DLGAP1: variants seen among roughly 807,000 people sequenced by gnomAD.
DLGAP1 encodes the protein DLG associated protein 1.
Under a neutral mutation model 90.8 loss-of-function variants are expected in DLGAP1, and 11 were observed. The ratio of observed to expected loss-of-function variants is 0.12; its 90% CI spans 0.08 to 0.20. The LOEUF is 0.20. DLGAP1 is among the 10% of genes least tolerant of loss of function. The pLI, the probability that DLGAP1 is intolerant of heterozygous loss-of-function variation, is 1.00. For missense variants in DLGAP1, 1,050 were observed against 1,333.8 expected, an observed-to-expected ratio of 0.79 and a Z score of 3.31; for synonymous variants, 558 against 540.7, an observed-to-expected ratio of 1.03 and a Z score of -0.44.
At chr18:4,243,913 C>T (rs2078597668) in intron 1 of DLGAP1, among the ~76,000 whole-genome samples, 1 of 152,096 alleles carries the variant, frequency 6.6e-6, no homozygotes, top group Admixed American at 6.6e-5. Context: ...TTTATCCCTA[C>T]CTTTGAAAAT....
intron 2 of DLGAP1, among the ~76,000 whole-genome samples, chr18:4,149,312 G>C (rs907048357): frequency 6.6e-6 from 1 of 152,110 alleles, no homozygotes; most frequent in African/African-American, 2.4e-5. Context: ...AGTTAGTGTC[G>C]AAACAGAATT....
intron 1 of DLGAP1, among the ~76,000 whole-genome samples, chr18:4,230,722 G>A (rs565119702): frequency 6.7e-6 from 1 of 149,204 alleles, no homozygotes; most frequent in African/African-American, 2.5e-5. Context: ...GCAAAACAGG[G>A]TGACTACAGT....
chr18:4,251,131 G>T (rs1356324955), intron 1 of DLGAP1, among the ~76,000 whole-genome samples: 1 of 152,090 alleles, frequency 6.6e-6, no homozygotes, highest in Non-Finnish European at 1.5e-5. Context: ...AAATCCTCCT[G>T]GCCTTCAGAA....
At chr18:3,931,358 C>T (rs1056553798) in intron 3 of DLGAP1, among the ~76,000 whole-genome samples, 2 of 152,082 alleles carry the variant, frequency 1.3e-5, no homozygotes, top group Admixed American at 6.5e-5. Flanking sequence ...CCCTGTTCAC[C>T]GGGTCTGTGC....
At position 3,856,492 on chromosome 18, in the gene DLGAP1, T is replaced by C. The variant is rs1286039045; in HGVS notation, c.957+22620A>G. Among the ~76,000 whole-genome samples the C allele has an allele frequency of 2.0e-5, 3 of 152,168 alleles. No individual in the cohort carries two copies. In the East Asian group the frequency reaches 5.8e-4, roughly 29 times the overall value. On this transcript the variant is annotated intron_variant, in intron 4 of 12. Transcript: ENST00000315677. ...GTGAAGTGAGGTCAACAGAAATAGC[T>C]AATAGGTGGGAAATTACCTTAGTCA... is the stretch of plus-strand genomic sequence containing the variant.
At chr18:4,262,427 T>C (rs1164384704) in intron 1 of DLGAP1, among the ~76,000 whole-genome samples, 2 of 152,208 alleles carry the variant, frequency 1.3e-5, no homozygotes, top group African/African-American at 4.8e-5. Context: ...CACTGAACCC[T>C]TACAGTGTGC....
At chr18:3,979,891 T>C (rs993841377) in intron 3 of DLGAP1, among the ~76,000 whole-genome samples, 1 of 152,156 alleles carries the variant, frequency 6.6e-6, no homozygotes, top group African/African-American at 2.4e-5. Flanking sequence ...ATCCCAGCAC[T>C]TTGGGAAGCC....
chr18:3,529,430 T>A (rs2144377278), intron 10 of DLGAP1, among the ~76,000 whole-genome samples: 1 of 152,358 alleles, frequency 6.6e-6, no homozygotes, highest in Admixed American at 6.5e-5. Flanking sequence ...GGTATTTTGT[T>A]ATAGCAGCCT....
At position 3,729,403 on chromosome 18, in the gene DLGAP1, C is replaced by A. The variant is rs1324255158; in HGVS notation, c.1351-28G>T. The A allele has an allele frequency of 2.5e-6, 4 of 1,594,522 alleles. No individual in the cohort carries two copies. Among genetic ancestry groups the A allele is most frequent in the Non-Finnish European group, 3.4e-6 (4 of 1,165,934 alleles). On this transcript the variant is annotated intron_variant, in intron 6 of 12. Coordinates refer to ENST00000315677, the MANE Select transcript of DLGAP1 (RefSeq NM_004746.4). This position sits in a 1 kb window ranked among gnomAD's most constrained non-coding sequence, Gnocchi z 6.2. Reference sequence around the variant, plus strand: ...GCGGGCAGACACAGGCGTTGTGACACTCGCCTCCACCTGGTGGAGGATCAA... The same window carrying A: ...GCGGGCAGACACAGGCGTTGTGACAATCGCCTCCACCTGGTGGAGGATCAA...
At chr18:3,507,544 A>G (rs2050305870) in intron 11 of DLGAP1, among the ~76,000 whole-genome samples, 1 of 152,178 alleles carries the variant, frequency 6.6e-6, no homozygotes, top group East Asian at 1.9e-4. Flanking sequence ...AAACAAAAAC[A>G]AACCCTCAAA....
intron 7 of DLGAP1, among the ~76,000 whole-genome samples, chr18:3,595,696 G>T (rs920404239): frequency 1.3e-5 from 2 of 152,196 alleles, no homozygotes; most frequent in African/African-American, 4.8e-5. Context: ...TGCAAGGCAG[G>T]AGTGCTGCTT....
At chr18:4,399,794 T>G (rs1221497975) in intron 1 of DLGAP1, among the ~76,000 whole-genome samples, 2 of 152,168 alleles carry the variant, frequency 1.3e-5, no homozygotes, top group Non-Finnish European at 1.5e-5. Context: ...ATCCCTCACT[T>G]CATAGGGGGC....
chr18:3,910,174 C>A (rs188867285), intron 3 of DLGAP1, among the ~76,000 whole-genome samples: 40 of 151,162 alleles, frequency 2.6e-4, no homozygotes, highest in African/African-American at 8.5e-4. Context: ...AAAATATCCT[C>A]TTTCCAATGA....
chr18:4,065,205 A>G (rs556358593), intron 2 of DLGAP1, among the ~76,000 whole-genome samples: 1 of 152,126 alleles, frequency 6.6e-6, no homozygotes, highest in Non-Finnish European at 1.5e-5. Flanking sequence ...ATATATAATA[A>G]ACTCATAGTT....
chr18:3,524,581 T>C (rs1318159809), intron 10 of DLGAP1, among the ~76,000 whole-genome samples: 1 of 152,190 alleles, frequency 6.6e-6, no homozygotes. Context: ...ACACAAAATT[T>C]ATTTCAAAAA....
Position 3,675,309 on chromosome 18 carries a change from A to T in DLGAP1, c.1591+53826T>A, listed in dbSNP as rs188845570. ...AGAGTGGTCTTGAACCCCTGACCTC[A>T]GGTAATCCGCCGGCCTCAGCCTCCC... On this transcript the variant is annotated intron_variant, in intron 7 of 12. Coordinates refer to ENST00000315677, the MANE Select transcript of DLGAP1 (RefSeq NM_004746.4). Among the ~76,000 whole-genome samples the T allele has an allele frequency of 6.3e-4, 96 of 152,282 alleles. 1 individual carries two copies. Among genetic ancestry groups the T allele is most frequent in the Admixed American group, 5.4e-3 (82 of 15,298 alleles).
chr18:3,864,216 A>G (rs1016085595), intron 4 of DLGAP1, among the ~76,000 whole-genome samples: 1 of 152,228 alleles, frequency 6.6e-6, no homozygotes, highest in Non-Finnish European at 1.5e-5. Context: ...AATACATGTT[A>G]CAACAGGTAG....
intron 8 of DLGAP1, chr18:3,580,730 G>A: frequency 1.2e-6 from 2 of 1,613,802 alleles, no homozygotes; most frequent in South Asian, 1.1e-5. Context: ...TCAGGACCAG[G>A]ACAGCCACGC....
chr18:4,049,537 C>T (rs562311986), intron 2 of DLGAP1, among the ~76,000 whole-genome samples: 16 of 152,274 alleles, frequency 1.1e-4, no homozygotes, highest in Non-Finnish European at 2.4e-4. Context: ...TCCCTCTGGG[C>T]TCTAATTTAT....
Sources: allele counts gnomAD v4.1 joint callset (sites outside exome capture counted in the v4.1 genomes callset), GRCh38; gene constraint gnomAD v4.1.1; non-coding constraint Gnocchi (gnomAD v3.1); transcripts MANE v1.5; gene names NCBI Gene and HGNC (gene_info 2026-07-23, HGNC 2026-07-21).